The following SMC1B variants were observed in gnomAD, a reference collection of about 807,000 sequenced individuals.
The protein encoded by SMC1B is structural maintenance of chromosomes 1B.
SMC1B carries 60 observed loss-of-function variants against 157.9 expected under a neutral mutation model. That is an observed-to-expected ratio of 0.38 (90% CI 0.31 to 0.47). The LOEUF (loss-of-function observed/expected upper bound fraction) is 0.47. Ranked by LOEUF, SMC1B falls within the 20% of genes least tolerant of loss-of-function variation. The pLI is 0.99. For synonymous variants in SMC1B, 445 were observed against 483.0 expected, an observed-to-expected ratio of 0.92 and a Z score of 1.03; for missense variants, 1,165 against 1,426.2, an observed-to-expected ratio of 0.82 and a Z score of 2.95.
chr22:45,401,698 T>C (rs1337993871), intron 5 of SMC1B, among the ~76,000 whole-genome samples: 4 of 152,204 alleles, frequency 2.6e-5, no homozygotes, highest in Non-Finnish European at 5.9e-5. Context: ...CCGCCTGTAC[T>C]TCACTGTGGA....
chr22:45,383,986 TG>T (rs2086965243), intron 11 of SMC1B, among the ~76,000 whole-genome samples: 1 of 152,216 alleles, frequency 6.6e-6, no homozygotes, highest in African/African-American at 2.4e-5. Context: ...GTGAGATAAC[TG>T]CCCTTCACAG....
rs141498349 is a variant in SMC1B, at chr22:45,350,591, T to C, written c.3426-794A>G. 7.4e-5 allele frequency among the ~76,000 whole-genome samples: 11 copies of C among 149,552 alleles called. No homozygotes were observed. In the East Asian group the frequency reaches 2.1e-3, roughly 29 times the overall value. On this transcript the variant is annotated intron_variant, in intron 22 of 24. Coordinates refer to ENST00000357450, the MANE Select transcript of SMC1B (RefSeq NM_148674.5). ...GCGCCCGGCCCTGTCTCCTGAGTTC[T>C]AACCTCAAATGTCCAACTACTTTCT...
At chr22:45,392,040 G>A (rs970391620) in intron 9 of SMC1B, among the ~76,000 whole-genome samples, 3 of 152,002 alleles carry the variant, frequency 2.0e-5, no homozygotes, top group East Asian at 1.9e-4. Context: ...TCTGCCTCCC[G>A]GGTTCAAGCA....
At chr22:45,353,850 A>C in intron 21 of SMC1B, 128 bp downstream of exon 21, 1 of 734,440 alleles carries the variant, frequency 1.4e-6, no homozygotes, top group Non-Finnish European at 2.1e-6. Context: ...ACTTTGCCCC[A>C]TGAGTGAGTT....
At chr22:45,357,485 GA>G (rs2086680943) in intron 19 of SMC1B, among the ~76,000 whole-genome samples, 1 of 152,228 alleles carries the variant, frequency 6.6e-6, no homozygotes, top group African/African-American at 2.4e-5. Flanking sequence ...GGATGCCAGT[GA>G]GCAAATTTGG....
At chr22:45,386,841 G>C (rs749851259) in intron 11 of SMC1B, 26 bp downstream of exon 11, 14 of 1,601,372 alleles carry the variant, frequency 8.7e-6, no homozygotes, top group Admixed American at 1.7e-5. Flanking sequence ...CTTATCCAAA[G>C]GTGTGATCCA....
intron 10 of SMC1B, among the ~76,000 whole-genome samples, chr22:45,388,986 CA>C (rs371475132): frequency 2.7e-3 from 146 of 54,468 alleles, no homozygotes; most frequent in East Asian, 5.1e-3. Context: ...GACTCTGCCT[CA>C]AAAAAAAAAA....
chr22:45,401,068 T>C (rs1278348139), intron 5 of SMC1B, among the ~76,000 whole-genome samples: 1 of 152,192 alleles, frequency 6.6e-6, no homozygotes, highest in East Asian at 1.9e-4. Context: ...AAAAAGGACA[T>C]TAGGCAAAAG....
Position 45,354,084 on chromosome 22 carries a change from T to C in SMC1B, c.3167A>G (p.Glu1056Gly). 1 of 1,602,548 alleles carries C rather than the reference T, an allele frequency of 6.2e-7. No individual in the cohort carries two copies. Among genetic ancestry groups the C allele is most frequent in the Non-Finnish European group, 8.5e-7 (1 of 1,175,788 alleles). ...ATCGTATCTCCTTTTTTTCACTTGC[T>C]CGAACTCTTGCCTACACAGTCTGGC... ...KEARLCRQEF[E>G]QVKKRRYDLF... Residue 1056 changes from glutamate to glycine, a missense_variant, in exon 21 of 25, where the codon GAG (glutamate) becomes GGG (glycine). Coordinates refer to ENST00000357450, the MANE Select transcript of SMC1B (RefSeq NM_148674.5).
At chr22:45,409,355 A>G (rs554169032) in intron 1 of SMC1B, among the ~76,000 whole-genome samples, 1 of 152,234 alleles carries the variant, frequency 6.6e-6, no homozygotes, top group Admixed American at 6.5e-5. Flanking sequence ...CCTGAGGTCA[A>G]GAATTCGAGA....
chr22:45,358,829 TAA>T, intron 18 of SMC1B, 34 bp from the exon 19 acceptor site: 1 of 1,521,652 alleles, frequency 6.6e-7, no homozygotes, highest in Non-Finnish European at 9.1e-7. Flanking sequence ...ATTTGTTGAT[TAA>T]GTTTGTTGTC....
At position 45,389,815 on chromosome 22, in the gene SMC1B, G is replaced by C. The variant is rs1438009374; in HGVS notation, c.1628C>G (p.Thr543Ser). Residue 543 changes from threonine to serine, a missense_variant, in exon 10 of 25, where the codon ACT becomes AGT. By Grantham distance (58) the Thr-to-Ser change is moderately conservative (BLOSUM62 1). Coordinates refer to ENST00000357450, the MANE Select transcript of SMC1B (RefSeq NM_148674.5). ...AVTKVFGRFI[T>S]AIVVASEKVA... ...CTTTTCAGAGGCTACAACAATGGCA[G>C]TGATGAACCGGCCAAAAACCTTAGT... The C allele has an allele frequency of 1.2e-6, 2 of 1,614,086 alleles. No homozygotes were observed. The highest frequency in any genetic ancestry group is 1.1e-5 in the South Asian group (1 of 91,080).
rs766604746 is a variant in SMC1B, at chr22:45,406,890, TA to T, written c.299-26del. The T allele has an allele frequency of 6.1e-6, 9 of 1,484,600 alleles. No individual in the cohort carries two copies. In the South Asian group the frequency reaches 6.7e-5, roughly 11 times the overall value. 92.0% of individuals were successfully genotyped at this position (1,484,600 alleles called of 1,614,324 possible). A position where few individuals can be genotyped will look rare whatever the true frequency, so the allele number is the denominator to read the frequency against. ...CCTAAAATAAAAAAATAAACCCTGT[TA>T]AAAAATATATAAATACCAGATATAC... On this transcript the variant is annotated intron_variant, in intron 2 of 24. Transcript: ENST00000357450.
intron 23 of SMC1B, among the ~76,000 whole-genome samples, chr22:45,348,475 T>C (rs1039524982): frequency 2.0e-5 from 3 of 152,228 alleles, no homozygotes; most frequent in African/African-American, 7.2e-5. Context: ...TTTTAAACTT[T>C]AATTCTTTTG....
chr22:45,353,652 A>C (rs1282296283), intron 21 of SMC1B, among the ~76,000 whole-genome samples: 1 of 152,152 alleles, frequency 6.6e-6, no homozygotes, highest in Non-Finnish European at 1.5e-5. Context: ...ACAGTTCTAT[A>C]AAATCAAATT....
At chr22:45,353,427 A>G (rs560973627) in intron 21 of SMC1B, among the ~76,000 whole-genome samples, 76 of 152,332 alleles carry the variant, frequency 5.0e-4, no homozygotes, top group Non-Finnish European at 9.1e-4. Flanking sequence ...GAGCAGGTAC[A>G]TAAGTCCCGA....
At chr22:45,396,246 T>C (rs2087122187) in intron 7 of SMC1B, 100 bp downstream of exon 7, 3 of 943,676 alleles carry the variant, frequency 3.2e-6, no homozygotes, top group Non-Finnish European at 4.6e-6. Flanking sequence ...TGAGACAGTA[T>C]AGTGTAAGGT....
At chr22:45,364,166 A>G (rs1482518063) in intron 15 of SMC1B, among the ~76,000 whole-genome samples, 1 of 152,094 alleles carries the variant, frequency 6.6e-6, no homozygotes, top group East Asian at 1.9e-4. Flanking sequence ...CTATTCTTAT[A>G]TAAACACCAA....
At chr22:45,384,661 A>C (rs2086972042) in intron 11 of SMC1B, among the ~76,000 whole-genome samples, 1 of 151,942 alleles carries the variant, frequency 6.6e-6, no homozygotes, top group East Asian at 1.9e-4. Context: ...CAGAGGTTGC[A>C]GTAAGCAGAG....
Sources: gnomAD v4.1 joint callset for allele counts (sites outside exome capture counted in the v4.1 genomes callset) on GRCh38, gnomAD v4.1.1 for gene constraint, MANE v1.5 for transcripts, NCBI Gene and HGNC (gene_info 2026-07-23, HGNC 2026-07-21) for gene names.